The following ASH1L variants were observed in gnomAD, a reference collection of about 807,000 sequenced individuals.
ASH1L encodes histone-lysine N-methyltransferase ASH1L.
ASH1L carries 23 observed loss-of-function variants against 269.0 expected under a neutral mutation model. That is an observed-to-expected ratio of 0.09 (90% CI 0.06 to 0.12). ASH1L has a LOEUF of 0.12. Among genes scored for constraint, ASH1L ranks in the 10% least tolerant of loss-of-function variants. The probability of loss-of-function intolerance (pLI) is 1.00; values close to 1 mark genes in which losing one functional copy is unlikely to be tolerated. For missense variants in ASH1L, 2,912 were observed against 3,567.8 expected, an observed-to-expected ratio of 0.82 and a Z score of 4.68; for synonymous variants, 1,187 against 1,253.5, an observed-to-expected ratio of 0.95 and a Z score of 1.12.
At chr1:155,543,865 T>TTGAGGC (rs1479896498) in intron 1 of ASH1L, among the ~76,000 whole-genome samples, 2 of 151,644 alleles carry the variant, frequency 1.3e-5, no homozygotes, top group Admixed American at 6.6e-5. Flanking sequence ...GCCCGGGAGG[T>TTGAGGC]TGAGGCTGAG....
At chr1:155,557,420 G>A (rs1457378436) in intron 1 of ASH1L, among the ~76,000 whole-genome samples, 1 of 151,776 alleles carries the variant, frequency 6.6e-6, no homozygotes, top group Non-Finnish European at 1.5e-5. Context: ...CCATCACCAT[G>A]CCCGGCTAAT....
Position 155,336,683 on chromosome 1 carries a change from A to C in ASH1L, c.*977T>G, listed in dbSNP as rs1652345578. ...AAGAAAGGGACATTGAAAACTGTAC[A>C]ATTAAGAAAACAAGAGTAGTGTTTT... is the stretch of plus-strand genomic sequence containing the variant. On this transcript the variant is annotated 3_prime_UTR_variant, in exon 28 of 28. Transcript: ENST00000392403. 6.6e-6 allele frequency: 1 copy of C among 152,596 alleles called. No individual in the cohort carries two copies. The highest frequency in any genetic ancestry group is 2.4e-5 in the African/African-American group (1 of 41,434). 9.5% of individuals were successfully genotyped at this position (152,596 alleles called of 1,614,324 possible).
At position 155,468,364 on chromosome 1, in the gene ASH1L, G is replaced by A. The variant is rs142979754; in HGVS notation, c.4985-8466C>T. 2.3e-3 allele frequency among the ~76,000 whole-genome samples: 342 copies of A among 151,914 alleles called. 1 individual carries two copies. The highest frequency in any genetic ancestry group is 4.0e-3 in the Non-Finnish European group (275 of 67,968). On this transcript the variant is annotated intron_variant, in intron 3 of 27. Transcript: ENST00000392403. ...CAGGCCTCTTCACTGTAAAGTTACT[G>A]CTTTTCCCTCTTCATACTCTGTTCT...
rs943759302 is a variant in ASH1L, at chr1:155,476,691, A to G, written c.4984+1195T>C. Among the ~76,000 whole-genome samples, 25 of 151,668 alleles carry G rather than the reference A, an allele frequency of 1.6e-4. 2 individuals are homozygous for G. Among genetic ancestry groups the G allele is most frequent in the Admixed American group, 1.4e-3 (22 of 15,256 alleles). ...CTCAGCCTCCCGAGTAGCTGGGACT[A>G]TAAGCGCCTGCCACCATGCCTGGCT... On this transcript the variant is annotated intron_variant, in intron 3 of 27. Coordinates refer to ENST00000392403, the MANE Select transcript of ASH1L (RefSeq NM_018489.3).
intron 3 of ASH1L, among the ~76,000 whole-genome samples, chr1:155,475,669 G>A (rs1665484065): frequency 1.3e-5 from 2 of 152,044 alleles, no homozygotes; most frequent in Admixed American, 1.3e-4. Flanking sequence ...ATTTACTATT[G>A]TATATGCCAG....
chr1:155,378,737 T>C (rs758501290), intron 8 of ASH1L, among the ~76,000 whole-genome samples, 189 bp from the exon 9 acceptor site: 9 of 152,196 alleles, frequency 5.9e-5, no homozygotes, highest in African/African-American at 2.2e-4. Context: ...AAATAAAAGG[T>C]GAGAGAATAA....
At chr1:155,557,113 A>G (rs1050490905) in intron 1 of ASH1L, among the ~76,000 whole-genome samples, 5 of 152,198 alleles carry the variant, frequency 3.3e-5, no homozygotes, top group African/African-American at 1.2e-4. Flanking sequence ...GCAAATGACT[A>G]AAGACTATGA....
At chr1:155,519,963 C>T (rs1051073934) in intron 2 of ASH1L, among the ~76,000 whole-genome samples, 1 of 152,024 alleles carries the variant, frequency 6.6e-6, no homozygotes, top group East Asian at 1.9e-4. Context: ...CCGGCAAGTA[C>T]ATTCGATATT....
At chr1:155,438,247 A>G (rs1366088339) in intron 5 of ASH1L, 80 bp downstream of exon 5, 1 of 1,372,762 alleles carries the variant, frequency 7.3e-7, no homozygotes, top group Non-Finnish European at 9.8e-7. Context: ...ATAAGATGAA[A>G]TAATTCAGCT....
chr1:155,416,784 G>A (rs1031666915), intron 5 of ASH1L, among the ~76,000 whole-genome samples: 3 of 150,992 alleles, frequency 2.0e-5, no homozygotes, highest in African/African-American at 4.9e-5. Flanking sequence ...CAGGTAATCC[G>A]CCCACCCAAA....
At chr1:155,546,686 G>T (rs1255738614) in intron 1 of ASH1L, among the ~76,000 whole-genome samples, 1 of 151,406 alleles carries the variant, frequency 6.6e-6, no homozygotes, top group Non-Finnish European at 1.5e-5. Flanking sequence ...TGAACTCGGG[G>T]GGCAGAGGTT....
At chr1:155,474,916 A>C (rs75180484) in intron 3 of ASH1L, among the ~76,000 whole-genome samples, 1,547 of 152,338 alleles carry the variant, frequency 0.01, 94 homozygotes, top group Admixed American at 0.086. Flanking sequence ...GTGTTCATGC[A>C]GAAGGCAAAA....
chr1:155,373,093 G>A (rs578171438), intron 10 of ASH1L, among the ~76,000 whole-genome samples: 3 of 151,922 alleles, frequency 2.0e-5, no homozygotes, highest in Admixed American at 6.6e-5. Flanking sequence ...TGTGCCTATA[G>A]TCCCAGCTAC....
intron 2 of ASH1L, among the ~76,000 whole-genome samples, chr1:155,516,124 C>T (rs1668489652): frequency 1.3e-5 from 2 of 152,016 alleles, no homozygotes; most frequent in African/African-American, 2.4e-5. Flanking sequence ...GTTCTTCTAC[C>T]GGTAAGGACC....
rs35475547 is a variant in ASH1L, at chr1:155,527,531, CTTTTTTTTTTTT to C, written c.-99-5925_-99-5914del. 2.1e-4 allele frequency among the ~76,000 whole-genome samples: 23 copies of C among 110,842 alleles called. 1 individual carries two copies. The highest frequency in any genetic ancestry group is 7.4e-4 in the African/African-American group (21 of 28,462). The allele number at this position is 110,842 out of a possible 152,430, so 72.7% of individuals were successfully genotyped here. On this transcript the variant is annotated intron_variant, in intron 1 of 27. Transcript: ENST00000392403. ...CTACCTCACTTGACTTACGGGATAC[CTTTTTTTTTTTT>C]TTTTTTTTTTTGAGTCAAGGTCTCT...
intron 5 of ASH1L, chr1:155,433,530 TC>T: frequency 1.2e-6 from 2 of 1,609,414 alleles, no homozygotes; most frequent in Admixed American, 1.7e-5. Flanking sequence ...CCCTGCACCG[TC>T]CCCCCTGGTG....
rs1417002839 is a variant in ASH1L at position 155,405,549 on chromosome 1, G to T, written c.6009-9996C>A. ...AAGTTTTGGTTAAAGATCAAAATAG[G>T]TCGGGCATGGTCACTCATCCCTGTA... On this transcript the variant is annotated intron_variant, in intron 6 of 27. Transcript: ENST00000392403. Among the ~76,000 whole-genome samples the T allele has an allele frequency of 7.9e-5, 12 of 151,904 alleles. No individual in the cohort carries two copies. In the South Asian group the frequency reaches 2.1e-3, roughly 26 times the overall value.
chr1:155,518,410 A>G (rs1668639104), intron 2 of ASH1L, among the ~76,000 whole-genome samples: 1 of 152,132 alleles, frequency 6.6e-6, no homozygotes, highest in Non-Finnish European at 1.5e-5. Context: ...ATCAAAATTG[A>G]AAACTTTTTT....
intron 1 of ASH1L, among the ~76,000 whole-genome samples, chr1:155,533,702 A>G (rs1308857324): frequency 6.7e-6 from 1 of 149,266 alleles, no homozygotes; most frequent in African/African-American, 2.5e-5. Context: ...TGGATGACAG[A>G]GCGAGACTCC....
Sources: gnomAD v4.1 joint callset for allele counts (sites outside exome capture counted in the v4.1 genomes callset) on GRCh38, gnomAD v4.1.1 for gene constraint, MANE v1.5 for transcripts, NCBI Gene and HGNC (gene_info 2026-07-23, HGNC 2026-07-21) for gene names.